SMOX: variants seen among roughly 807,000 people sequenced by gnomAD.
The protein encoded by SMOX is spermine oxidase.
Under a neutral mutation model 51.0 loss-of-function variants are expected in SMOX, and 22 were observed. That is an observed-to-expected ratio of 0.43 (90% CI 0.31 to 0.62). The LOEUF is 0.62. Ranked by LOEUF, SMOX falls within the 20% of genes least tolerant of loss-of-function variation. The pLI is 0.10. For synonymous variants in SMOX, 282 were observed against 307.8 expected (o/e 0.92, Z 0.88); for missense variants, 566 against 777.7 (o/e 0.73, Z 3.24).
intron 1 of SMOX, among the ~76,000 whole-genome samples, chr20:4,162,166 G>A (rs1160609956): frequency 2.6e-5 from 4 of 152,368 alleles, no homozygotes; most frequent in Non-Finnish European, 5.9e-5. Context: ...AGGGCGGCCC[G>A]GGTGGGGCTG....
At chr20:4,160,955 C>G (rs910954) in intron 1 of SMOX, among the ~76,000 whole-genome samples, 1 of 152,098 alleles carries the variant, frequency 6.6e-6, no homozygotes, top group Non-Finnish European at 1.5e-5. Context: ...GGGGCTGGAG[C>G]TGAAGCACAG....
intron 1 of SMOX, among the ~76,000 whole-genome samples, chr20:4,168,297 G>T (rs963526192): frequency 6.6e-6 from 1 of 152,176 alleles, no homozygotes; most frequent in African/African-American, 2.4e-5. Flanking sequence ...GCAGATGTGC[G>T]GTTGGAGGAG....
rs1979467183 is a variant in SMOX, at chr20:4,182,954, G to A, written c.1369+106G>A. 5 of 1,439,894 alleles carry A rather than the reference G, an allele frequency of 3.5e-6. No homozygotes were observed. The highest frequency in any genetic ancestry group is 1.4e-5 in the African/African-American group (1 of 70,974). The allele number at this position is 1,439,894 out of a possible 1,614,324, so 89.2% of individuals were successfully genotyped here. A position where few individuals can be genotyped will look rare whatever the true frequency, so the allele number is the denominator to read the frequency against. On this transcript the variant is annotated intron_variant, in intron 5 of 6. Coordinates refer to ENST00000305958, the MANE Select transcript of SMOX (RefSeq NM_175839.3). The surrounding 1 kb of genome is among the most constrained non-coding windows in gnomAD (Gnocchi z 8.4). ...CTCTCCTCCCCAGACCGTGAAGCTC[G>A]GATGCTGTGCCCCACGGGAGAGCCA...
At chr20:4,176,100 A>G (rs1041323892) in intron 2 of SMOX, 3 of 148,302 alleles carry the variant, frequency 2.0e-5, no homozygotes, top group Non-Finnish European at 4.4e-5. Context: ...GGTTCACTGC[A>G]ACCTCTGCTT....
rs1226846671 is a variant in SMOX, at chr20:4,153,473, T to C, written c.-27+4496T>C. On this transcript the variant is annotated intron_variant, in intron 1 of 6. Transcript: ENST00000305958. The surrounding 1 kb of genome is among the most constrained non-coding windows in gnomAD (Gnocchi z 4.4). The stretch of plus-strand genomic sequence containing the variant: ...GGAGGAGGGTGTGTCAGCTCTGCCC[T>C]GGGAGGCTTTCCTGTTTGGCACGAG... 1.3e-5 allele frequency among the ~76,000 whole-genome samples: 2 copies of C among 152,206 alleles called. No individual in the cohort carries two copies. The highest frequency in any genetic ancestry group is 3.9e-4 in the East Asian group (2 of 5,174).
At chr20:4,185,926 C>T (rs1310180) in intron 6 of SMOX, among the ~76,000 whole-genome samples, 16,259 of 148,514 alleles carry the variant, frequency 0.11, 1,808 homozygotes, top group African/African-American at 0.27. Context: ...ACCCCTGGCG[C>T]CCTAAACACA....
chr20:4,174,914 C>T (rs1978709076), intron 1 of SMOX, 116 bp from the exon 2 acceptor site: 3 of 1,038,946 alleles, frequency 2.9e-6, no homozygotes, highest in South Asian at 1.5e-5. Context: ...GGAGAGGACT[C>T]CAGGTCCCCC....
rs1979532635 is a variant in SMOX at position 4,183,760 on chromosome 20, G to C, written c.1530+106G>C. ...GGTAGTGTTCACTAAGGGGTGCTCA[G>C]GTGAGGCAGGGATGGAGTAGCTTCT... is the stretch of plus-strand genomic sequence containing the variant. On this transcript the variant is annotated intron_variant, in intron 6 of 6. Coordinates refer to ENST00000305958, the MANE Select transcript of SMOX (RefSeq NM_175839.3). The surrounding 1 kb of genome is among the most constrained non-coding windows in gnomAD (Gnocchi z 4.3). 3 of 1,309,006 alleles carry C rather than the reference G, an allele frequency of 2.3e-6. No homozygotes were observed. Among genetic ancestry groups the C allele is most frequent in the Non-Finnish European group, 3.0e-6 (3 of 997,004 alleles). The allele number at this position is 1,309,006 out of a possible 1,614,324, so 81.1% of individuals were successfully genotyped here.
In SMOX at chr20:4,183,792, A is replaced by G. The variant is rs1222956924; in HGVS notation, c.1530+138A>G. On this transcript the variant is annotated intron_variant, in intron 6 of 6. Coordinates refer to ENST00000305958, the MANE Select transcript of SMOX (RefSeq NM_175839.3). This position sits in a 1 kb window ranked among gnomAD's most constrained non-coding sequence, Gnocchi z 4.3. The stretch of plus-strand genomic sequence containing the variant: ...CAGGGATGGAGTAGCTTCTGTAATG[A>G]GAGAGAACACAAGGAAAAAAGTGTG... The G allele has an allele frequency of 2.1e-6, 2 of 961,358 alleles. No individual in the cohort carries two copies. Among genetic ancestry groups the G allele is most frequent in the African/African-American group, 1.7e-5 (1 of 59,346 alleles). The allele number at this position is 961,358 out of a possible 1,614,324, so 59.6% of individuals were successfully genotyped here.
Position 4,182,815 on chromosome 20 carries a change from G to A in SMOX, c.1336G>A (p.Glu446Lys), listed in dbSNP as rs1979448808. The A allele has an allele frequency of 1.2e-6, 2 of 1,610,254 alleles. No individual in the cohort carries two copies. Among genetic ancestry groups the A allele is most frequent in the Non-Finnish European group, 1.7e-6 (2 of 1,179,984 alleles). Reference protein sequence around the residue: ...MEKCDDEAVAEICTEMLRQFT... With the variant: ...MEKCDDEAVAKICTEMLRQFT... The stretch of plus-strand genomic sequence containing the variant: ...GAAGTGTGATGACGAGGCAGTGGCC[G>A]AGATCTGCACGGAGATGCTGCGTCA... Residue 446 changes from glutamate to lysine, a missense_variant, in exon 5 of 7, where the codon GAG becomes AAG. Coordinates refer to ENST00000305958, the MANE Select transcript of SMOX (RefSeq NM_175839.3). This position sits in a 1 kb window ranked among gnomAD's most constrained non-coding sequence, Gnocchi z 8.4.
At position 4,181,311 on chromosome 20, in the gene SMOX, G is replaced by A. The variant is rs767975129; in HGVS notation, c.436-492G>A. 4.7e-4 allele frequency among the ~76,000 whole-genome samples: 71 copies of A among 152,202 alleles called. No individual in the cohort carries two copies. Among genetic ancestry groups the A allele is most frequent in the Non-Finnish European group, 8.1e-4 (55 of 68,038 alleles). ...CAGGCCCAGGGAGGTGTCTCCAGTC[G>A]TCAGGGGCCCTTCTGCTGGCCAGGC... On this transcript the variant is annotated intron_variant, in intron 3 of 6. Coordinates refer to ENST00000305958, the MANE Select transcript of SMOX (RefSeq NM_175839.3). The surrounding 1 kb of genome is among the most constrained non-coding windows in gnomAD (Gnocchi z 5.6).
chr20:4,159,227 T>G (rs1486928705), intron 1 of SMOX, among the ~76,000 whole-genome samples: 1 of 152,142 alleles, frequency 6.6e-6, no homozygotes, highest in Non-Finnish European at 1.5e-5. Context: ...TTCTCCTGCC[T>G]TAGCCTCCCA....
At chr20:4,186,104 C>T (rs1441398087) in intron 6 of SMOX, among the ~76,000 whole-genome samples, 1 of 151,726 alleles carries the variant, frequency 6.6e-6, no homozygotes, top group Non-Finnish European at 1.5e-5. Flanking sequence ...GAGTTCAAGA[C>T]CAGCCTGGGC....
chr20:4,178,502 T>A (rs8182934), intron 3 of SMOX, among the ~76,000 whole-genome samples: 9 of 152,134 alleles, frequency 5.9e-5, no homozygotes, highest in Non-Finnish European at 1.0e-4. Flanking sequence ...TTCAGATTTT[T>A]AAAAAATTAT....
chr20:4,159,173 G>A (rs1043608713), intron 1 of SMOX, among the ~76,000 whole-genome samples: 15 of 151,962 alleles, frequency 9.9e-5, no homozygotes, highest in South Asian at 2.1e-4. Context: ...GTGCAATGGC[G>A]CGATCTTGGC....
intron 1 of SMOX, among the ~76,000 whole-genome samples, chr20:4,155,459 C>T (rs1407913712): frequency 6.6e-6 from 1 of 152,098 alleles, no homozygotes; most frequent in East Asian, 1.9e-4. Context: ...CTGGCTGGGC[C>T]ACTACAGGCA....
chr20:4,182,950 G>A lies in SMOX; in HGVS notation c.1369+102G>A. On this transcript the variant is annotated intron_variant, in intron 5 of 6. Coordinates refer to ENST00000305958, the MANE Select transcript of SMOX (RefSeq NM_175839.3). This position sits in a 1 kb window ranked among gnomAD's most constrained non-coding sequence, Gnocchi z 8.4. ...AGCTCTCTCCTCCCCAGACCGTGAA[G>A]CTCGGATGCTGTGCCCCACGGGAGA... is the stretch of plus-strand genomic sequence containing the variant. 6.9e-7 allele frequency: 1 copy of A among 1,448,354 alleles called. No homozygotes were observed. Among genetic ancestry groups the A allele is most frequent in the South Asian group, 1.4e-5 (1 of 71,582 alleles). 89.7% of individuals were successfully genotyped at this position (1,448,354 alleles called of 1,614,324 possible). A position where few individuals can be genotyped will look rare whatever the true frequency, so the allele number is the denominator to read the frequency against.
rs1329585698 is a variant in SMOX at position 4,174,895 on chromosome 20, G to C, written c.-26-135G>C. On this transcript the variant is annotated intron_variant, in intron 1 of 6. Coordinates refer to ENST00000305958, the MANE Select transcript of SMOX (RefSeq NM_175839.3). ...GTGGCTCTTCTTGTCCAGGTCCTCA[G>C]AGAGGGAGGGAGAGGACTCCAGGTC... 6 of 792,176 alleles carry C rather than the reference G, an allele frequency of 7.6e-6. No individual in the cohort carries two copies. The East Asian group carries it at 1.6e-4, about 21-fold the overall frequency. The allele number at this position is 792,176 out of a possible 1,614,324, so 49.1% of individuals were successfully genotyped here.
At chr20:4,163,217 A>G (rs1301159517) in intron 1 of SMOX, among the ~76,000 whole-genome samples, 1 of 150,448 alleles carries the variant, frequency 6.6e-6, no homozygotes, top group East Asian at 2.0e-4. Flanking sequence ...AAAAAAAAAT[A>G]CATGGTTGGG....
Sources: gnomAD v4.1 joint callset for allele counts (sites outside exome capture counted in the v4.1 genomes callset) on GRCh38, gnomAD v4.1.1 for gene constraint, Gnocchi (gnomAD v3.1) non-coding constraint, MANE v1.5 for transcripts, NCBI Gene and HGNC (gene_info 2026-07-23, HGNC 2026-07-21) for gene names.